Variants in LY6S observed in about 807,000 individuals in gnomAD.
LY6S encodes lymphocyte antigen 6S.
At chr8:143,045,047 A>T in the LY6S span, among the ~76,000 whole-genome samples, 1 of 152,186 alleles carries the variant, frequency 6.6e-6, no homozygotes, top group African/African-American at 2.4e-5. The surrounding 1 kb of genome is among the most constrained non-coding windows in gnomAD (Gnocchi z 5.3). Flanking sequence ...TGCCAAAGGC[A>T]TACACGTGCC....
the LY6S span, among the ~76,000 whole-genome samples, chr8:143,076,298 C>G: frequency 1.3e-5 from 2 of 152,212 alleles, no homozygotes; most frequent in Admixed American, 6.5e-5. Context: ...GCCCCCACTG[C>G]TGACCCAATT....
the LY6S span, among the ~76,000 whole-genome samples, chr8:143,070,464 A>ATAATATAT: frequency 2.9e-5 from 1 of 34,216 alleles, no homozygotes; most frequent in African/African-American, 1.1e-4. Context: ...ATATATATAT[A>ATAATATAT]ATATATATAT....
the LY6S span, among the ~76,000 whole-genome samples, chr8:143,072,243 CGGGGTCCCTGTTTG>C: frequency 8.1e-6 from 1 of 124,060 alleles, no homozygotes; most frequent in African/African-American, 3.4e-5. Flanking sequence ...CCGTCGTCCT[CGGGGTCCCTGTTTG>C]AGGAGACAGC....
chr8:143,067,023 G>A, the LY6S span, among the ~76,000 whole-genome samples: 1 of 152,260 alleles, frequency 6.6e-6, no homozygotes. Flanking sequence ...GGATCGTTGG[G>A]GTGGGTCCCT....
chr8:143,061,020 C>A, the LY6S span, among the ~76,000 whole-genome samples: 1 of 151,908 alleles, frequency 6.6e-6, no homozygotes, highest in Non-Finnish European at 1.5e-5. Context: ...AGGTTTTAAC[C>A]CAATTATATT....
the LY6S span, among the ~76,000 whole-genome samples, chr8:143,054,582 A>G: frequency 6.6e-6 from 1 of 152,048 alleles, no homozygotes; most frequent in African/African-American, 2.4e-5. Flanking sequence ...GGGGTTGTGG[A>G]TCTCCAGTGT....
At chr8:143,044,387 A>T in the LY6S span, among the ~76,000 whole-genome samples, 1 of 151,998 alleles carries the variant, frequency 6.6e-6, no homozygotes, top group African/African-American at 2.4e-5. Context: ...CACAGTAATG[A>T]GGGCCCTGTG....
At chr8:143,041,787 G>A in the LY6S span, among the ~76,000 whole-genome samples, 91,179 of 151,906 alleles carry the variant, frequency 0.6, 27,752 homozygotes, top group South Asian at 0.68. Flanking sequence ...GGCTTCAGCC[G>A]GTCCCTCTGT....
the LY6S span, among the ~76,000 whole-genome samples, chr8:143,062,082 T>G: frequency 6.6e-6 from 1 of 152,054 alleles, no homozygotes; most frequent in Non-Finnish European, 1.5e-5. Context: ...TGGAAAGAAA[T>G]AAATGCAATA....
the LY6S span, among the ~76,000 whole-genome samples, chr8:143,056,250 C>G: frequency 6.8e-6 from 1 of 147,588 alleles, no homozygotes; most frequent in Non-Finnish European, 1.5e-5. Context: ...ATTTATCAAC[C>G]TGAGTCACAT....
chr8:143,049,523 G>A, the LY6S span, among the ~76,000 whole-genome samples: 2 of 152,124 alleles, frequency 1.3e-5, no homozygotes, highest in Non-Finnish European at 2.9e-5. Flanking sequence ...CTAAAATCCA[G>A]TAAGCCAGAA....
At chr8:143,048,465 ATTTTCTT>A in the LY6S span, among the ~76,000 whole-genome samples, 3 of 117,618 alleles carry the variant, frequency 2.6e-5, no homozygotes, top group African/African-American at 9.4e-5. Flanking sequence ...GTTTTACAAA[ATTTTCTT>A]TTTTTTTTTT....
At chr8:143,054,553 C>A in the LY6S span, among the ~76,000 whole-genome samples, 1 of 152,184 alleles carries the variant, frequency 6.6e-6, no homozygotes, top group Non-Finnish European at 1.5e-5. Flanking sequence ...ACAAATTTCA[C>A]CACCACACGG....
chr8:143,066,086 G>A, the LY6S span: 10 of 414,388 alleles, frequency 2.4e-5, no homozygotes, highest in South Asian at 9.7e-5. Flanking sequence ...CATAGGCATC[G>A]AAGACACTCG....
the LY6S span, chr8:143,047,816 T>A: frequency 6.6e-6 from 1 of 152,186 alleles, no homozygotes; most frequent in Non-Finnish European, 1.5e-5. Flanking sequence ...CCACCCGCTG[T>A]GAGTAATCAT....
At chr8:143,071,317 A>G in the LY6S span, among the ~76,000 whole-genome samples, 1 of 152,124 alleles carries the variant, frequency 6.6e-6, no homozygotes, top group African/African-American at 2.4e-5. Context: ...GGGCTATGGG[A>G]TAGAGGGGAG....
chr8:143,062,417 C>T, the LY6S span, among the ~76,000 whole-genome samples: 1 of 152,202 alleles, frequency 6.6e-6, no homozygotes. Flanking sequence ...CCTGTAATCC[C>T]AGCACTCTGG....
At chr8:143,073,329 C>G in the LY6S span, among the ~76,000 whole-genome samples, 2 of 142,476 alleles carry the variant, frequency 1.4e-5, no homozygotes, top group Non-Finnish European at 3.1e-5. Context: ...AGCCGTCATC[C>G]TCGGGGTTCC....
At chr8:143,057,608 C>G in the LY6S span, 1 of 1,287,806 alleles carries the variant, frequency 7.8e-7, no homozygotes, top group South Asian at 1.2e-5. Context: ...GAGAGGGTCC[C>G]CAGTCAGGTC....
Sources: allele counts gnomAD v4.1 joint callset (sites outside exome capture counted in the v4.1 genomes callset), GRCh38; gene constraint gnomAD v4.1.1; non-coding constraint Gnocchi (gnomAD v3.1); transcripts MANE v1.5; gene names NCBI Gene and HGNC (gene_info 2026-07-23, HGNC 2026-07-21).